EFCAB6: variants seen among roughly 807,000 people sequenced by gnomAD.
EFCAB6 encodes the protein EF-hand calcium binding domain 6, also known as EF-hand calcium-binding domain-containing protein 6.
Under a neutral mutation model 169.8 loss-of-function variants are expected in EFCAB6, and 156 were observed. That is an observed-to-expected ratio of 0.92 (90% CI 0.81 to 1.05). The LOEUF is 1.05. Among genes scored for constraint, EFCAB6 ranks in the 50% least tolerant of loss-of-function variants. The pLI, the probability that EFCAB6 is intolerant of heterozygous loss-of-function variation, is 0.00. For missense variants in EFCAB6, 1,800 were observed against 1,829.1 expected (o/e 0.98, Z 0.29); for synonymous variants, 698 against 676.4 (o/e 1.03, Z -0.50).
chr22:43,618,955 C>T (rs1160706509), intron 20 of EFCAB6, among the ~76,000 whole-genome samples: 1 of 151,624 alleles, frequency 6.6e-6, no homozygotes, highest in African/African-American at 2.4e-5. Flanking sequence ...AGGTGGCCCT[C>T]ACCATGAGAC....
chr22:43,616,223 C>G (rs1050781493), intron 20 of EFCAB6, among the ~76,000 whole-genome samples: 2 of 152,168 alleles, frequency 1.3e-5, no homozygotes, highest in African/African-American at 4.8e-5. Flanking sequence ...CACAATATAA[C>G]ATTAAGTGTC....
In EFCAB6 at chr22:43,618,132, G is replaced by A. The variant is rs544116272; in HGVS notation, c.2466-2210C>T. Among the ~76,000 whole-genome samples, 14 of 78,158 alleles carry A rather than the reference G, an allele frequency of 1.8e-4. 1 individual carries two copies. The highest frequency in any genetic ancestry group is 3.0e-4 in the Non-Finnish European group (12 of 40,234). 51.3% of individuals were successfully genotyped at this position (78,158 alleles called of 152,430 possible). On this transcript the variant is annotated intron_variant, in intron 20 of 31. Coordinates refer to ENST00000262726, the MANE Select transcript of EFCAB6 (RefSeq NM_022785.4). ...AAAAATCTCAAAAAAAAAAAAGAAA[G>A]AGACAGAGAGGAGGAAGGAAGGAAG...
At chr22:43,698,478 A>T (rs2058655669) in intron 10 of EFCAB6, among the ~76,000 whole-genome samples, 1 of 152,188 alleles carries the variant, frequency 6.6e-6, no homozygotes, top group Admixed American at 6.5e-5. Flanking sequence ...GCCTTTATCC[A>T]AGGAGCTCAT....
intron 20 of EFCAB6, among the ~76,000 whole-genome samples, chr22:43,623,702 T>C (rs1425060073): frequency 1.4e-5 from 2 of 142,982 alleles, no homozygotes; most frequent in East Asian, 2.0e-4. Flanking sequence ...GAGACCATCC[T>C]GGCTAACATA....
chr22:43,540,512 G>A (rs777084409), intron 27 of EFCAB6, 155 bp from the exon 28 acceptor site: 94 of 1,533,396 alleles, frequency 6.1e-5, no homozygotes, highest in Non-Finnish European at 7.6e-5. Flanking sequence ...ACGCCCATTT[G>A]GCCTTCGCTC....
chr22:43,730,737 C>T (rs1176586337), intron 8 of EFCAB6, among the ~76,000 whole-genome samples: 1 of 152,178 alleles, frequency 6.6e-6, no homozygotes, highest in East Asian at 1.9e-4. Context: ...TGGCACCTGC[C>T]TCACGTGGTC....
rs1272838403 is a variant in EFCAB6, at chr22:43,540,487, A to C, written c.3649-130T>G. On this transcript the variant is annotated intron_variant, in intron 27 of 31. Transcript: ENST00000262726. The stretch of plus-strand genomic sequence containing the variant: ...CACTCACGTGACTGGTGAAGAAGAA[A>C]ATTAAAAAAATAAAACGCCCATTTG... 3 of 1,544,380 alleles carry C rather than the reference A, an allele frequency of 1.9e-6. No individual in the cohort carries two copies. The Admixed American group carries it at 5.8e-5, about 30-fold the overall frequency.
intron 2 of EFCAB6, among the ~76,000 whole-genome samples, chr22:43,796,926 G>A (rs574893147): frequency 6.6e-6 from 1 of 152,184 alleles, no homozygotes; most frequent in Non-Finnish European, 1.5e-5. Context: ...ATCATTCTCT[G>A]AACTCACTGC....
rs754108130 is a variant in EFCAB6, at chr22:43,667,236, C to G, written c.1851G>C (p.Lys617Asn). 3 of 1,614,094 alleles carry G rather than the reference C, an allele frequency of 1.9e-6. No individual in the cohort carries two copies. In the South Asian group the frequency reaches 3.3e-5, roughly 18 times the overall value. The change falls in exon 17 of 32, where the codon AAG becomes AAC. Residue 617 changes from lysine to asparagine, a missense_variant. Lys to Asn is a moderately conservative substitution (Grantham distance 94). Transcript: ENST00000262726. ...KLTEDKTTLT[K>N]KMTTEEVIEK... ...CAATCACTTCTTCTGTGGTCATCTT[C>G]TTGGTCAGGGTGGTTTTATCCTCCG... is the stretch of plus-strand genomic sequence containing the variant.
At chr22:43,738,238 T>C (rs926699502) in intron 6 of EFCAB6, among the ~76,000 whole-genome samples, 5 of 140,486 alleles carry the variant, frequency 3.6e-5, no homozygotes, top group African/African-American at 1.4e-4. Context: ...ATTCACACCA[T>C]CACACACACA....
At chr22:43,798,757 G>C (rs769206362) in intron 2 of EFCAB6, among the ~76,000 whole-genome samples, 1 of 152,204 alleles carries the variant, frequency 6.6e-6, no homozygotes, top group Non-Finnish European at 1.5e-5. Flanking sequence ...GACAACACAA[G>C]GTAGACAATG....
In EFCAB6 at chr22:43,628,945, G is replaced by A. The variant is rs75728554; in HGVS notation, c.2233-2266C>T. 2.2e-3 allele frequency among the ~76,000 whole-genome samples: 339 copies of A among 152,302 alleles called. 1 individual carries two copies. Among genetic ancestry groups the A allele is most frequent in the African/African-American group, 7.6e-3 (317 of 41,560 alleles). ...GAGCCATGCTCACCATAACGTCTGT[G>A]AGATGGGGCTGCTGGACATGAAGGA... On this transcript the variant is annotated intron_variant, in intron 19 of 31. Transcript: ENST00000262726. The surrounding 1 kb of genome is among the most constrained non-coding windows in gnomAD (Gnocchi z 4.8).
chr22:43,723,826 G>A (rs554997486), intron 8 of EFCAB6, among the ~76,000 whole-genome samples: 88 of 152,340 alleles, frequency 5.8e-4, no homozygotes, highest in African/African-American at 2.1e-3. Context: ...GGACCAAGGA[G>A]CCCTGCACCG....
rs117790191 is a variant in EFCAB6, at chr22:43,703,267, C to T, written c.1031+8208G>A. ...ACTCAGAGCCAACACAGTAGCCCAG[C>T]CATCTAGAACACCCAAAAGCAAGCT... On this transcript the variant is annotated intron_variant, in intron 10 of 31. Transcript: ENST00000262726. Among the ~76,000 whole-genome samples the T allele has an allele frequency of 4.1e-3, 627 of 152,332 alleles. 2 individuals are homozygous for T. The highest frequency in any genetic ancestry group is 0.029 in the East Asian group (151 of 5,190).
intron 4 of EFCAB6, among the ~76,000 whole-genome samples, chr22:43,769,394 T>G (rs1172238467): frequency 2.0e-5 from 3 of 152,128 alleles, no homozygotes; most frequent in African/African-American, 7.2e-5. Flanking sequence ...TGAAAACGGT[T>G]TTCAATTAGA....
chr22:43,783,439 A>G, intron 2 of EFCAB6, among the ~76,000 whole-genome samples: 1 of 152,142 alleles, frequency 6.6e-6, no homozygotes, highest in Admixed American at 6.5e-5. Context: ...CCTCCAACTG[A>G]CCTTCAAGCT....
intron 10 of EFCAB6, among the ~76,000 whole-genome samples, chr22:43,690,647 G>C (rs116022134): frequency 6.6e-6 from 1 of 151,860 alleles, no homozygotes; most frequent in South Asian, 2.1e-4. Context: ...GTGTGGCCCT[G>C]CTCACCTCCC....
intron 8 of EFCAB6, among the ~76,000 whole-genome samples, chr22:43,720,045 G>T (rs1200580768): frequency 2.6e-5 from 4 of 152,200 alleles, no homozygotes; most frequent in African/African-American, 9.7e-5. Flanking sequence ...TCCATGTGAG[G>T]TGATGGAGGT....
intron 11 of EFCAB6, among the ~76,000 whole-genome samples, chr22:43,685,268 G>A (rs550643760): frequency 3.4e-4 from 51 of 152,236 alleles, no homozygotes; most frequent in African/African-American, 1.2e-3. Context: ...CTAGAAACCT[G>A]GTAAAGCACT....
Sources: gnomAD v4.1 joint callset for allele counts (sites outside exome capture counted in the v4.1 genomes callset) on GRCh38, gnomAD v4.1.1 for gene constraint, Gnocchi (gnomAD v3.1) non-coding constraint, MANE v1.5 for transcripts, NCBI Gene and HGNC (gene_info 2026-07-23, HGNC 2026-07-21) for gene names.